The following YAF2 variants were observed in gnomAD, a reference collection of about 807,000 sequenced individuals.
The protein encoded by YAF2 is YY1 associated factor 2.
In YAF2, 7 loss-of-function variants were observed where a neutral mutation model predicts 20.1. That is an observed-to-expected ratio of 0.35 (90% CI 0.20 to 0.65). YAF2 has a LOEUF of 0.65. YAF2 is among the 30% of genes least tolerant of loss of function. The probability of loss-of-function intolerance (pLI) is 0.69; values close to 1 mark genes in which losing one functional copy is unlikely to be tolerated. For missense variants in YAF2, 151 were observed against 219.2 expected, an observed-to-expected ratio of 0.69 and a Z score of 1.96; for synonymous variants, 74 against 76.0, an observed-to-expected ratio of 0.97 and a Z score of 0.14.
At chr12:42,218,474 G>T (rs185808192) in intron 2 of YAF2, among the ~76,000 whole-genome samples, 1 of 152,026 alleles carries the variant, frequency 6.6e-6, no homozygotes, top group Non-Finnish European at 1.5e-5. Context: ...CCTATGAATT[G>T]TTGTTTTTAT....
chr12:42,194,536 T>C (rs1472276113), intron 2 of YAF2, among the ~76,000 whole-genome samples: 1 of 151,950 alleles, frequency 6.6e-6, no homozygotes, highest in Non-Finnish European at 1.5e-5. Context: ...CCCAGCTACT[T>C]AGGAGGTGGA....
intron 2 of YAF2, among the ~76,000 whole-genome samples, chr12:42,211,525 T>C (rs2067209853): frequency 6.7e-6 from 1 of 150,002 alleles, no homozygotes; most frequent in African/African-American, 2.5e-5. Context: ...TCACCTGAGG[T>C]TGGGAGTTCA....
intron 2 of YAF2, among the ~76,000 whole-genome samples, chr12:42,194,689 A>G (rs903216763): frequency 6.6e-6 from 1 of 152,190 alleles, no homozygotes; most frequent in Admixed American, 6.5e-5. Context: ...TAACATAAAA[A>G]TTTTTTGGTG....
chr12:42,194,517 G>A (rs572766302), intron 2 of YAF2, among the ~76,000 whole-genome samples: 7 of 152,144 alleles, frequency 4.6e-5, no homozygotes, highest in Non-Finnish European at 1.0e-4. Flanking sequence ...GGTGGCAAGC[G>A]CCTGTAATCC....
intron 2 of YAF2, among the ~76,000 whole-genome samples, chr12:42,191,147 G>T (rs1446248456): frequency 6.6e-6 from 1 of 151,962 alleles, no homozygotes; most frequent in Admixed American, 6.6e-5. Context: ...TGTTTTTAAA[G>T]TCTACCATTG....
At position 42,161,614 on chromosome 12, in the gene YAF2, TG is replaced by T; in HGVS notation, c.303del (p.Arg102GlyfsTer4). ...TTSKKNSHKK[T>X]RPRLKNVDRS... The stretch of plus-strand genomic sequence containing the variant: ...TCATAAAACACTCTTCACATTTACC[TG>T]GTTTTCTTATGGCTATTCTTTTTGC... On this transcript the variant is annotated frameshift_variant and splice_region_variant, in exon 3 of 4. Transcript: ENST00000534854. LOFTEE classifies it high-confidence loss of function. 1 of 1,577,948 alleles carries T rather than the reference TG, an allele frequency of 6.3e-7. No individual in the cohort carries two copies. The highest frequency in any genetic ancestry group is 1.2e-5 in the South Asian group (1 of 84,464).
At position 42,215,442 on chromosome 12, in the gene YAF2, T is replaced by G. The variant is rs117328117; in HGVS notation, c.152+22157A>C. Reference sequence around the variant, plus strand: ...TAAAAAAAGAAAAAAAACTCCAGTGTACTTCAGAGATAGCTGTTACTTTAT... The same window carrying G: ...TAAAAAAAGAAAAAAAACTCCAGTGGACTTCAGAGATAGCTGTTACTTTAT... On this transcript the variant is annotated intron_variant, in intron 2 of 3. Transcript: ENST00000534854. 3.4e-3 allele frequency among the ~76,000 whole-genome samples: 524 copies of G among 152,312 alleles called. 1 individual carries two copies. Among genetic ancestry groups the G allele is most frequent in the Middle Eastern group, 6.8e-3 (2 of 294 alleles).
intron 2 of YAF2, among the ~76,000 whole-genome samples, chr12:42,216,483 AT>A (rs907336087): frequency 2.0e-5 from 3 of 150,562 alleles, no homozygotes; most frequent in Non-Finnish European, 3.0e-5. Context: ...CTCCCTATTA[AT>A]TTTTTTTTCC....
At chr12:42,186,106 G>T (rs1185719923) in intron 2 of YAF2, among the ~76,000 whole-genome samples, 4 of 144,240 alleles carry the variant, frequency 2.8e-5, no homozygotes, top group Non-Finnish European at 6.0e-5. Context: ...CAAGAGAATT[G>T]CTTGAACCCA....
At chr12:42,202,372 T>TGTTA (rs1327372702) in intron 2 of YAF2, among the ~76,000 whole-genome samples, 8 of 152,212 alleles carry the variant, frequency 5.3e-5, no homozygotes, top group Non-Finnish European at 1.5e-5. Context: ...CAAGCCAAAC[T>TGTTA]ATTAACATTC....
At chr12:42,217,700 A>C (rs1212358510) in intron 2 of YAF2, among the ~76,000 whole-genome samples, 1 of 152,206 alleles carries the variant, frequency 6.6e-6, no homozygotes, top group Non-Finnish European at 1.5e-5. Flanking sequence ...AGGGGATTTA[A>C]ACTGAAATGT....
chr12:42,215,064 TC>T (rs1284338241), intron 2 of YAF2, among the ~76,000 whole-genome samples: 1 of 152,164 alleles, frequency 6.6e-6, no homozygotes, highest in African/African-American at 2.4e-5. Context: ...TGTCTTGTTC[TC>T]CTCTGTAACT....
chr12:42,176,283 G>C (rs2066190328), intron 2 of YAF2, among the ~76,000 whole-genome samples: 1 of 151,436 alleles, frequency 6.6e-6, no homozygotes, highest in Non-Finnish European at 1.5e-5. Flanking sequence ...CATCACGCCA[G>C]CTAATTTTTG....
intron 2 of YAF2, among the ~76,000 whole-genome samples, chr12:42,218,257 G>T (rs2067418029): frequency 6.7e-6 from 1 of 150,202 alleles, no homozygotes; most frequent in Middle Eastern, 3.5e-3. Context: ...CAAGGCTTAG[G>T]TATTTCATGG....
At chr12:42,217,645 T>C (rs1162664197) in intron 2 of YAF2, among the ~76,000 whole-genome samples, 1 of 152,138 alleles carries the variant, frequency 6.6e-6, no homozygotes, top group Non-Finnish European at 1.5e-5. Context: ...TTATCACTTA[T>C]ATTTAATTAC....
chr12:42,175,321 C>T (rs1049092289), intron 2 of YAF2, among the ~76,000 whole-genome samples: 17 of 151,964 alleles, frequency 1.1e-4, no homozygotes, highest in Admixed American at 2.6e-4. Flanking sequence ...TTTATAGTGA[C>T]AGAAAGCAGA....
intron 2 of YAF2, among the ~76,000 whole-genome samples, chr12:42,227,303 G>A (rs2067749059): frequency 1.5e-5 from 1 of 65,114 alleles, no homozygotes; most frequent in Admixed American, 1.4e-4. Flanking sequence ...GCCGCCCATC[G>A]TCTGCGACGT....
Position 42,218,862 on chromosome 12 carries a change from G to A in YAF2, c.152+18737C>T, listed in dbSNP as rs2067435948. ...AAAACAAATGTGTCTAAGAAGATGA[G>A]TGGGGGGAAAAAAGGAAAGATATAG... On this transcript the variant is annotated intron_variant, in intron 2 of 3. Transcript: ENST00000534854. Among the ~76,000 whole-genome samples, 4 of 152,126 alleles carry A rather than the reference G, an allele frequency of 2.6e-5. No individual in the cohort carries two copies. In the South Asian group the frequency reaches 8.3e-4, roughly 32 times the overall value.
At chr12:42,164,903 C>T (rs1182443165) in intron 2 of YAF2, among the ~76,000 whole-genome samples, 1 of 151,714 alleles carries the variant, frequency 6.6e-6, no homozygotes, top group Non-Finnish European at 1.5e-5. Context: ...AAACCCATCT[C>T]TACAAAAAAA....
Sources: allele counts gnomAD v4.1 joint callset (sites outside exome capture counted in the v4.1 genomes callset), GRCh38; gene constraint gnomAD v4.1.1; transcripts MANE v1.5; gene names NCBI Gene and HGNC (gene_info 2026-07-23, HGNC 2026-07-21).